EPHA4: variants seen among roughly 807,000 people sequenced by gnomAD.
The protein encoded by EPHA4 is EPH receptor A4, also known as ephrin type-A receptor 4.
Under a neutral mutation model 108.3 loss-of-function variants are expected in EPHA4, and 19 were observed. The observed-to-expected ratio is 0.18, with a 90% confidence interval of 0.12 to 0.26. The LOEUF (loss-of-function observed/expected upper bound fraction) is 0.26. Among genes scored for constraint, EPHA4 ranks in the 10% least tolerant of loss-of-function variants. EPHA4 has a pLI of 1.00. For synonymous variants in EPHA4, 449 were observed against 455.5 expected (o/e 0.99, Z 0.18); for missense variants, 917 against 1,254.0 (o/e 0.73, Z 4.06).
In EPHA4 at chr2:221,453,754, A is replaced by G. The variant is rs13404287; in HGVS notation, c.1715+1793T>C. 3.9e-3 allele frequency among the ~76,000 whole-genome samples: 596 copies of G among 152,360 alleles called. 4 individuals are homozygous for G. Among genetic ancestry groups the G allele is most frequent in the African/African-American group, 0.014 (572 of 41,590 alleles). On this transcript the variant is annotated intron_variant, in intron 8 of 17. Transcript: ENST00000281821. Reference sequence around the variant, plus strand: ...ACCTATTCATAGATTGTGCATGAAAAGCAATGAACACGGTGTAAAACAGAT... The same window carrying G: ...ACCTATTCATAGATTGTGCATGAAAGGCAATGAACACGGTGTAAAACAGAT...
rs370142135 is a variant in EPHA4 at position 221,491,530 on chromosome 2, A to C, written c.980-8840T>G. 1.6e-4 allele frequency among the ~76,000 whole-genome samples: 25 copies of C among 152,330 alleles called. No individual in the cohort carries two copies. The South Asian group carries it at 4.8e-3, about 29-fold the overall frequency. On this transcript the variant is annotated intron_variant, in intron 4 of 17. Transcript: ENST00000281821. ...TTTCATAGAGATACAAATAATATAA[A>C]GAAAATAATAACCCATAATTACAAA...
chr2:221,559,730 A>G (rs987622679), intron 3 of EPHA4, among the ~76,000 whole-genome samples: 3 of 152,066 alleles, frequency 2.0e-5, no homozygotes, highest in African/African-American at 7.2e-5. Flanking sequence ...CCTTTTTCCA[A>G]CAGTCTGATG....
At chr2:221,424,474 C>T (rs1270646397) in intron 17 of EPHA4, among the ~76,000 whole-genome samples, 1 of 122,482 alleles carries the variant, frequency 8.2e-6, no homozygotes, top group Non-Finnish European at 1.8e-5. Context: ...AATGAAATAA[C>T]TCAAAAAAAA....
intron 5 of EPHA4, among the ~76,000 whole-genome samples, chr2:221,471,705 C>G (rs1691492325): frequency 6.6e-6 from 1 of 152,094 alleles, no homozygotes; most frequent in Non-Finnish European, 1.5e-5. Flanking sequence ...ATATTACCAG[C>G]CCCTTGGAGC....
chr2:221,514,293 G>A (rs534437306), intron 3 of EPHA4, among the ~76,000 whole-genome samples: 10 of 152,220 alleles, frequency 6.6e-5, no homozygotes, highest in African/African-American at 2.4e-4. Flanking sequence ...CCACAAAAGG[G>A]AACAGAGGAG....
Position 221,426,480 on chromosome 2 carries a change from C to A in EPHA4, c.2830G>T (p.Val944Leu). The change falls in exon 16 of 18, where the codon GTG (valine) becomes TTG (leucine). Residue 944 changes from valine to leucine, a missense_variant. Physicochemically the swap from Val to Leu is conservative, Grantham distance 32. This residue lies in a region of EPHA4 where 133 missense variants were observed against 132.8 expected (regional missense o/e 1.00). Transcript: ENST00000281821. ...AAGYTTLEAV[V>L]HVNQEDLARI... ...AGTACTTACTCCTGGTTCACGTGCA[C>A]CACAGCCTCTAGTGTGGTATAACCA... is the stretch of plus-strand genomic sequence containing the variant. 1 of 1,609,414 alleles carries A rather than the reference C, an allele frequency of 6.2e-7. No homozygotes were observed. The highest frequency in any genetic ancestry group is 8.5e-7 in the Non-Finnish European group (1 of 1,178,902).
At chr2:221,496,904 G>A (rs1004308460) in intron 4 of EPHA4, among the ~76,000 whole-genome samples, 6 of 151,362 alleles carry the variant, frequency 4.0e-5, no homozygotes, top group Admixed American at 1.3e-4. Flanking sequence ...AGCAAAACTC[G>A]GTCTCAAAAA....
intron 9 of EPHA4, among the ~76,000 whole-genome samples, chr2:221,444,932 ATT>A (rs142818072): frequency 0.016 from 2,457 of 151,290 alleles, 60 homozygotes; most frequent in African/African-American, 0.057. Context: ...TAATTTAGTT[ATT>A]TTTTGTAGAG....
intron 3 of EPHA4, among the ~76,000 whole-genome samples, chr2:221,550,674 A>G (rs190246890): frequency 1.3e-5 from 2 of 152,338 alleles, no homozygotes; most frequent in Admixed American, 6.5e-5. Context: ...ATAGTCACAT[A>G]GTGAGTGGCA....
At chr2:221,484,317 A>AT (rs1691916816) in intron 4 of EPHA4, among the ~76,000 whole-genome samples, 1 of 152,190 alleles carries the variant, frequency 6.6e-6, no homozygotes, top group Admixed American at 6.5e-5. Flanking sequence ...AATAAGGGTA[A>AT]TTCACTCTCC....
chr2:221,454,176 G>T (rs765918513), intron 8 of EPHA4, among the ~76,000 whole-genome samples: 1 of 151,870 alleles, frequency 6.6e-6, no homozygotes, highest in Non-Finnish European at 1.5e-5. Flanking sequence ...GCAAGACTCC[G>T]TCTCAGAAAA....
chr2:221,562,460 T>C lies in EPHA4; in HGVS notation c.823+1271A>G, dbSNP rs988959258. 6.6e-5 allele frequency among the ~76,000 whole-genome samples: 10 copies of C among 152,320 alleles called. No individual in the cohort carries two copies. In the South Asian group the frequency reaches 8.3e-4, roughly 13 times the overall value. On this transcript the variant is annotated intron_variant, in intron 3 of 17. Transcript: ENST00000281821. ...TCAGTCAATCAAGTGGATTGCCCCA[T>C]AGTTAATCCCACCCTGTCATTAGAA...
chr2:221,555,498 A>C (rs1323273282), intron 3 of EPHA4, among the ~76,000 whole-genome samples: 5 of 152,188 alleles, frequency 3.3e-5, no homozygotes, highest in Non-Finnish European at 7.4e-5. Flanking sequence ...GGGAGTTGTA[A>C]GCAGTACCAA....
intron 5 of EPHA4, among the ~76,000 whole-genome samples, chr2:221,481,412 G>C (rs532348083): frequency 1.3e-5 from 2 of 149,648 alleles, no homozygotes; most frequent in Admixed American, 6.7e-5. Context: ...AGCCCTTTGG[G>C]AGGCCAAGGT....
intron 2 of EPHA4, among the ~76,000 whole-genome samples, chr2:221,566,744 A>G (rs1335758136): frequency 6.6e-6 from 1 of 150,886 alleles, no homozygotes; most frequent in Non-Finnish European, 1.5e-5. Context: ...GTCTAGAAAA[A>G]GTGACCAGGT....
In EPHA4 at chr2:221,436,585, G is replaced by C. The variant is rs951240382; in HGVS notation, c.2160C>G (p.Val720=). 5.0e-6 allele frequency: 8 copies of C among 1,613,954 alleles called. No homozygotes were observed. Among genetic ancestry groups the C allele is most frequent in the East Asian group, 2.2e-5 (1 of 44,888 alleles). ...CACGAAGCATGCCCACCAGCTGAAT[G>C]ACTGTAAATCTGCCATCATTTTTCT... ...FLRKNDGRFT[V]IQLVGMLRGI... is the part of the protein sequence containing the mutation. The change falls in exon 13 of 18, where the codon GTC becomes GTG. Residue 720 remains valine (V), a synonymous_variant. Coordinates refer to ENST00000281821, the MANE Select transcript of EPHA4 (RefSeq NM_004438.5).
chr2:221,526,988 G>A (rs1413019137), intron 3 of EPHA4, among the ~76,000 whole-genome samples: 6 of 150,754 alleles, frequency 4.0e-5, no homozygotes, highest in African/African-American at 7.3e-5. Flanking sequence ...TAAGCCGGGC[G>A]TGGTGGTAGG....
At chr2:221,517,413 G>C (rs1013515023) in intron 3 of EPHA4, among the ~76,000 whole-genome samples, 3 of 152,108 alleles carry the variant, frequency 2.0e-5, no homozygotes, top group African/African-American at 7.2e-5. Context: ...TCTCAGTCTG[G>C]CAATATGATT....
rs985367509 is a variant in EPHA4 at position 221,571,889 on chromosome 2, C to T, written c.91+269G>A. Among the ~76,000 whole-genome samples the T allele has an allele frequency of 1.3e-5, 2 of 152,208 alleles. No homozygotes were observed. The highest frequency in any genetic ancestry group is 2.9e-5 in the Non-Finnish European group (2 of 68,042). ...TCCCCTCAGGGCGCCTCGAGCGGGC[C>T]TCTCTGGCGGATGCTGATAAACTTT... On this transcript the variant is annotated intron_variant, in intron 1 of 17. Transcript: ENST00000281821. The surrounding 1 kb of genome is among the most constrained non-coding windows in gnomAD (Gnocchi z 6.3).
Sources: gnomAD v4.1 joint callset for allele counts (sites outside exome capture counted in the v4.1 genomes callset) on GRCh38, gnomAD v4.1.1 for gene constraint, gnomAD v4.1.1 regional missense constraint, Gnocchi (gnomAD v3.1) non-coding constraint, MANE v1.5 for transcripts, NCBI Gene and HGNC (gene_info 2026-07-23, HGNC 2026-07-21) for gene names.